Variants in GOLPH3L observed in about 807,000 individuals in gnomAD.
The protein encoded by GOLPH3L is Golgi phosphoprotein 3-like.
In GOLPH3L, 22 loss-of-function variants were observed where a neutral mutation model predicts 30.3. That is an observed-to-expected ratio of 0.73 (90% CI 0.52 to 1.04). The LOEUF (loss-of-function observed/expected upper bound fraction) is 1.04, where lower values mean the gene tolerates loss of function less well. Ranked by LOEUF, GOLPH3L falls within the 50% of genes least tolerant of loss-of-function variation. The pLI, the probability that GOLPH3L is intolerant of heterozygous loss-of-function variation, is 0.00. For synonymous variants in GOLPH3L, 120 were observed against 128.2 expected, an observed-to-expected ratio of 0.94 and a Z score of 0.43; for missense variants, 303 against 345.8, an observed-to-expected ratio of 0.88 and a Z score of 0.98.
intron 1 of GOLPH3L, among the ~76,000 whole-genome samples, chr1:150,695,616 T>G (rs587686367): frequency 2.6e-5 from 4 of 152,132 alleles, no homozygotes; most frequent in Non-Finnish European, 5.9e-5. Flanking sequence ...TCCATGGTAC[T>G]ACATTATAAA....
intron 2 of GOLPH3L, among the ~76,000 whole-genome samples, chr1:150,665,166 G>A (rs1237861140): frequency 6.6e-6 from 1 of 151,968 alleles, no homozygotes; most frequent in African/African-American, 2.4e-5. Flanking sequence ...CCCTATAAAG[G>A]AAGTACTACT....
chr1:150,676,171 C>T (rs1650772109), intron 2 of GOLPH3L, among the ~76,000 whole-genome samples: 1 of 151,836 alleles, frequency 6.6e-6, no homozygotes, highest in South Asian at 2.1e-4. Context: ...ACAAGGTTTT[C>T]CGATGTTGCC....
At chr1:150,653,391 G>T (rs1650171016) in intron 4 of GOLPH3L, among the ~76,000 whole-genome samples, 1 of 149,954 alleles carries the variant, frequency 6.7e-6, no homozygotes, top group Non-Finnish European at 1.5e-5. Context: ...TGCCTGCCGG[G>T]TTCAAGTGAT....
rs371755105 is a variant in GOLPH3L, at chr1:150,648,680, G to A, written c.499C>T (p.Leu167=). 6.2e-7 allele frequency: 1 copy of A among 1,612,274 alleles called. No individual in the cohort carries two copies. The highest frequency in any genetic ancestry group is 8.5e-7 in the Non-Finnish European group (1 of 1,178,318). Residue 167 remains leucine, a synonymous_variant, in exon 5 of 5, where the codon CTA becomes TTA. Coordinates refer to ENST00000271732, the MANE Select transcript of GOLPH3L (RefSeq NM_018178.6). ...GTGGTTAGAATACCTTTCTCTACTA[G>A]GTTCTTTGCGATGCGCTCTCGTACA... is the stretch of plus-strand genomic sequence containing the variant. ...RNVRERIAKN[L]VEKGILTTEK...
At chr1:150,694,570 A>G (rs1403673011) in intron 2 of GOLPH3L, 86 bp downstream of exon 2, 7 of 803,364 alleles carry the variant, frequency 8.7e-6, no homozygotes, top group South Asian at 2.2e-5. Context: ...CCAATTTATT[A>G]TTAAATATAT....
At chr1:150,666,558 G>C (rs1189959043) in intron 2 of GOLPH3L, among the ~76,000 whole-genome samples, 1 of 151,942 alleles carries the variant, frequency 6.6e-6, no homozygotes, top group Non-Finnish European at 1.5e-5. Flanking sequence ...GGCTGGTCTT[G>C]AACTCCTGAC....
rs944784607 is a variant in GOLPH3L, at chr1:150,662,060, C to T, written c.316-132G>A. ...AGGAAGCATAATATACTGTCTCTGT[C>T]CTCAAGAAGTTTAAAATATAGTATG... On this transcript the variant is annotated intron_variant, in intron 3 of 4. Coordinates refer to ENST00000271732, the MANE Select transcript of GOLPH3L (RefSeq NM_018178.6). The T allele has an allele frequency of 1.8e-5, 11 of 611,804 alleles. No individual in the cohort carries two copies. The Admixed American group carries it at 3.0e-4, about 17-fold the overall frequency. 37.9% of individuals were successfully genotyped at this position (611,804 alleles called of 1,614,324 possible).
intron 2 of GOLPH3L, 45 bp from the exon 3 acceptor site, chr1:150,663,808 T>C (rs1215542504): frequency 1.3e-6 from 2 of 1,545,680 alleles, no homozygotes; most frequent in East Asian, 4.5e-5. Context: ...TTGAGAGGAA[T>C]ACTGACTTCC....
chr1:150,681,389 T>C (rs1650943754), intron 2 of GOLPH3L, among the ~76,000 whole-genome samples: 2 of 152,182 alleles, frequency 1.3e-5, no homozygotes, highest in Admixed American at 1.3e-4. Context: ...AGAGGTATGA[T>C]AAATGCAAGA....
chr1:150,692,000 C>T (rs1193994992), intron 2 of GOLPH3L, among the ~76,000 whole-genome samples: 8 of 151,602 alleles, frequency 5.3e-5, no homozygotes, highest in Admixed American at 5.3e-4. Flanking sequence ...TTTGTCTCTC[C>T]AGCTAGAATG....
Position 150,694,643 on chromosome 1 carries a change from C to A in GOLPH3L, c.183+13G>T, listed in dbSNP as rs1301693847. 5 of 1,544,234 alleles carry A rather than the reference C, an allele frequency of 3.2e-6. No homozygotes were observed. The highest frequency in any genetic ancestry group is 4.4e-6 in the Non-Finnish European group (5 of 1,134,336). On this transcript the variant is annotated intron_variant, in intron 2 of 4. Coordinates refer to ENST00000271732, the MANE Select transcript of GOLPH3L (RefSeq NM_018178.6). The stretch of plus-strand genomic sequence containing the variant: ...TAGTCTTTGAGATAGCCTAGCAAAC[C>A]TAACTGCATTACCTCTTTATCTTTT...
At chr1:150,656,598 G>A (rs1650246743) in intron 4 of GOLPH3L, among the ~76,000 whole-genome samples, 2 of 152,186 alleles carry the variant, frequency 1.3e-5, no homozygotes, top group Admixed American at 1.3e-4. Context: ...TTGTCCAAGA[G>A]CAGGACTTAG....
At chr1:150,686,433 G>A (rs587610972) in intron 2 of GOLPH3L, among the ~76,000 whole-genome samples, 1 of 152,090 alleles carries the variant, frequency 6.6e-6, no homozygotes, top group African/African-American at 2.4e-5. Context: ...TTGAACTCCT[G>A]GCCTGAAGTA....
intron 4 of GOLPH3L, among the ~76,000 whole-genome samples, chr1:150,655,998 G>A (rs587728476): frequency 3.3e-5 from 5 of 152,320 alleles, no homozygotes; most frequent in East Asian, 1.9e-4. Flanking sequence ...CCTGCTAAGC[G>A]TTTTCACTGG....
chr1:150,693,539 G>A lies in GOLPH3L; in HGVS notation c.183+1117C>T, dbSNP rs867513662. Among the ~76,000 whole-genome samples the A allele has an allele frequency of 8.0e-4, 122 of 151,998 alleles. 1 individual carries two copies. Among genetic ancestry groups the A allele is most frequent in the Middle Eastern group, 3.4e-3 (1 of 294 alleles). On this transcript the variant is annotated intron_variant, in intron 2 of 4. Coordinates refer to ENST00000271732, the MANE Select transcript of GOLPH3L (RefSeq NM_018178.6). ...GGAAAGAAAGCAGATTGTTTAAAAT[G>A]TTACCTTCGTAACTTCTTCATGAGG...
At chr1:150,671,117 C>T (rs1336689424) in intron 2 of GOLPH3L, among the ~76,000 whole-genome samples, 1 of 152,066 alleles carries the variant, frequency 6.6e-6, no homozygotes, top group Non-Finnish European at 1.5e-5. Context: ...TGGCCCGTGC[C>T]TGTAATCCCA....
chr1:150,691,515 TAAAAAC>T (rs3059574), intron 2 of GOLPH3L, among the ~76,000 whole-genome samples: 23 of 151,292 alleles, frequency 1.5e-4, no homozygotes, highest in East Asian at 5.9e-4. Context: ...GACTCTGTCT[TAAAAAC>T]AAAAACAAAA....
At chr1:150,694,175 T>G in intron 2 of GOLPH3L, 1 of 450,950 alleles carries the variant, frequency 2.2e-6, no homozygotes, top group Non-Finnish European at 4.6e-6. Flanking sequence ...GATATTTGCC[T>G]TATAAAGATG....
chr1:150,655,852 G>A (rs751429951), intron 4 of GOLPH3L, among the ~76,000 whole-genome samples: 25 of 152,238 alleles, frequency 1.6e-4, no homozygotes, highest in Admixed American at 5.2e-4. Context: ...CAGCCAGGAC[G>A]GCCTTCTCCT....
Sources: allele counts gnomAD v4.1 joint callset (sites outside exome capture counted in the v4.1 genomes callset), GRCh38; gene constraint gnomAD v4.1.1; transcripts MANE v1.5; gene names NCBI Gene and HGNC (gene_info 2026-07-23, HGNC 2026-07-21).